The following LINGO2 variants were observed in gnomAD, a reference collection of about 807,000 sequenced individuals.
LINGO2 encodes leucine-rich repeat and immunoglobulin-like domain-containing nogo receptor-interacting protein 2.
In LINGO2, 14 loss-of-function variants were observed where a neutral mutation model predicts 30.6. The observed-to-expected ratio is 0.46, with a 90% CI of 0.30 to 0.72. The LOEUF (loss-of-function observed/expected upper bound fraction) is 0.72, where lower values mean the gene tolerates loss of function less well. Among genes scored for constraint, LINGO2 ranks in the 30% least tolerant of loss-of-function variants. The pLI, the probability that LINGO2 is intolerant of heterozygous loss-of-function variation, is 0.07. For synonymous variants in LINGO2, 317 were observed against 288.5 expected (o/e 1.10, Z -1.00); for missense variants, 729 against 751.7 (o/e 0.97, Z 0.35).
At chr9:28,564,783 A>C (rs1341094302) in intron 1 of LINGO2, among the ~76,000 whole-genome samples, 1 of 152,136 alleles carries the variant, frequency 6.6e-6, no homozygotes, top group Non-Finnish European at 1.5e-5. Flanking sequence ...CTTAAATCAG[A>C]TAAAATTAAA....
intron 1 of LINGO2, among the ~76,000 whole-genome samples, chr9:28,606,549 A>G (rs1164648748): frequency 6.6e-6 from 1 of 152,048 alleles, no homozygotes. Context: ...AGACTGAGGG[A>G]AATTCTCATT....
At chr9:27,948,416 T>C (rs2118253729) in exon 6 of LINGO2, 1 of 164,812 alleles carries the variant, frequency 6.1e-6, no homozygotes, top group South Asian at 1.8e-4. Flanking sequence ...ATGCAAGGCT[T>C]TAACAAATGA....
At chr9:27,969,040 A>G (rs1258737323) in intron 5 of LINGO2, among the ~76,000 whole-genome samples, 2 of 152,048 alleles carry the variant, frequency 1.3e-5, no homozygotes, top group Non-Finnish European at 2.9e-5. Flanking sequence ...TATAATATAC[A>G]TGCTAATTAT....
the LINGO2 span, chr9:27,942,108 G>A: frequency 6.6e-6 from 1 of 152,144 alleles, no homozygotes; most frequent in African/African-American, 2.4e-5. Flanking sequence ...GAGTGTGGTT[G>A]ATATTACATA....
At chr9:28,153,509 C>A (rs1828054427) in intron 4 of LINGO2, among the ~76,000 whole-genome samples, 1 of 152,142 alleles carries the variant, frequency 6.6e-6, no homozygotes, top group Non-Finnish European at 1.5e-5. Context: ...GAGCAAAAGT[C>A]TTGTTGTTAC....
downstream of LINGO2, among the ~76,000 whole-genome samples, chr9:27,945,866 C>A (rs1823345153): frequency 6.6e-6 from 1 of 152,094 alleles, no homozygotes; most frequent in Admixed American, 6.6e-5. Flanking sequence ...ACCTCTTAAT[C>A]CATTGCTATG....
chr9:28,088,254 C>G (rs959539472), intron 4 of LINGO2, among the ~76,000 whole-genome samples: 6 of 150,460 alleles, frequency 4.0e-5, no homozygotes, highest in Non-Finnish European at 7.4e-5. Context: ...TGGTTTAGTA[C>G]AACTAATGGG....
intron 5 of LINGO2, among the ~76,000 whole-genome samples, chr9:27,981,758 T>C (rs1334062595): frequency 6.6e-6 from 1 of 151,576 alleles, no homozygotes; most frequent in Non-Finnish European, 1.5e-5. Flanking sequence ...GTTTAGCACA[T>C]GTGACCCTAA....
At chr9:28,944,939 A>G in the LINGO2 span, among the ~76,000 whole-genome samples, 1 of 152,170 alleles carries the variant, frequency 6.6e-6, no homozygotes. Context: ...GGCCTACTCT[A>G]CTGATGCTTT....
the LINGO2 span, among the ~76,000 whole-genome samples, chr9:28,703,540 A>C: frequency 2.6e-5 from 4 of 151,620 alleles, no homozygotes; most frequent in African/African-American, 9.7e-5. Context: ...TGAATATTCC[A>C]TATGAGCTTG....
At chr9:29,052,480 C>G in the LINGO2 span, among the ~76,000 whole-genome samples, 1 of 152,274 alleles carries the variant, frequency 6.6e-6, no homozygotes, top group African/African-American at 2.4e-5. Flanking sequence ...AATTCCCTAA[C>G]TCATACTATA....
rs1823196877 is a variant in LINGO2 at position 28,022,812 on chromosome 9, T to C, written c.-86-10407A>G. On this transcript the variant is annotated intron_variant, in intron 4 of 5. Transcript: ENST00000379992. ...TCTCTTCTCCTTTCTCTTTTAATTATGTTTATGATATACCTTTTGAAATTG... is the reference window on the plus strand; with the variant it reads ...TCTCTTCTCCTTTCTCTTTTAATTACGTTTATGATATACCTTTTGAAATTG... Among the ~76,000 whole-genome samples, 3 of 152,050 alleles carry C rather than the reference T, an allele frequency of 2.0e-5. No individual in the cohort carries two copies. The South Asian group carries it at 6.2e-4, about 32-fold the overall frequency.
intron 4 of LINGO2, among the ~76,000 whole-genome samples, chr9:28,052,090 G>A (rs1824703593): frequency 2.0e-5 from 3 of 152,148 alleles, no homozygotes; most frequent in Middle Eastern, 3.4e-3. Flanking sequence ...TTAGCAGAGG[G>A]TAAACTGGGC....
intron 4 of LINGO2, among the ~76,000 whole-genome samples, chr9:28,160,397 C>A (rs10125826): frequency 1.3e-5 from 2 of 152,118 alleles, no homozygotes; most frequent in African/African-American, 4.8e-5. Context: ...AAGAATTCTT[C>A]GCTGTCAAAT....
chr9:28,031,553 T>C (rs1209308993), intron 4 of LINGO2, among the ~76,000 whole-genome samples: 1 of 152,208 alleles, frequency 6.6e-6, no homozygotes, highest in African/African-American at 2.4e-5. Context: ...ATCTGCCACT[T>C]ACTTGCTGTG....
chr9:28,107,815 C>T (rs573887130), intron 4 of LINGO2, among the ~76,000 whole-genome samples: 32 of 152,216 alleles, frequency 2.1e-4, no homozygotes, highest in African/African-American at 7.5e-4. Context: ...AGATATAAAA[C>T]ACCTCATATG....
intron 4 of LINGO2, among the ~76,000 whole-genome samples, chr9:28,235,880 A>G (rs901021797): frequency 2.6e-5 from 4 of 152,162 alleles, no homozygotes; most frequent in African/African-American, 9.7e-5. Flanking sequence ...CGTAAGGAGG[A>G]GATAGAGAAA....
At chr9:28,260,877 C>T (rs767294318) in intron 4 of LINGO2, among the ~76,000 whole-genome samples, 9 of 151,888 alleles carry the variant, frequency 5.9e-5, no homozygotes, top group Non-Finnish European at 1.2e-4. Context: ...TTCAGTGATA[C>T]GAGCATTCCG....
At chr9:28,075,527 T>G (rs965810974) in intron 4 of LINGO2, among the ~76,000 whole-genome samples, 2 of 151,992 alleles carry the variant, frequency 1.3e-5, no homozygotes, top group African/African-American at 4.8e-5. Context: ...ACACCAGATA[T>G]GTATGCATGT....
Sources: gnomAD v4.1 joint callset for allele counts (sites outside exome capture counted in the v4.1 genomes callset) on GRCh38, gnomAD v4.1.1 for gene constraint, MANE v1.5 for transcripts, NCBI Gene and HGNC (gene_info 2026-07-23, HGNC 2026-07-21) for gene names.